PIEZO2: variants seen among roughly 807,000 people sequenced by gnomAD.
The protein encoded by PIEZO2 is piezo type mechanosensitive ion channel component 2.
PIEZO2 carries 172 observed loss-of-function variants against 337.3 expected under a neutral mutation model. The observed-to-expected ratio is 0.51, with a 90% CI of 0.45 to 0.58. The LOEUF is 0.58. Among genes scored for constraint, PIEZO2 ranks in the 20% least tolerant of loss-of-function variants. PIEZO2 has a pLI of 0.00. For synonymous variants in PIEZO2, 1,251 were observed against 1,228.5 expected, an observed-to-expected ratio of 1.02 and a Z score of -0.38; for missense variants, 3,028 against 3,391.3, an observed-to-expected ratio of 0.89 and a Z score of 2.66.
chr18:11,083,739 G>A lies in PIEZO2; in HGVS notation c.65-17517C>T, dbSNP rs764376694. ...AATTTGCAGAAATTGTCCTGAGATC[G>A]GTAGGCTCTCCGAGGCTAGAGGCAC... On this transcript the variant is annotated intron_variant, in intron 1 of 55. Transcript: ENST00000674853. The surrounding 1 kb of genome is among the most constrained non-coding windows in gnomAD (Gnocchi z 4.4). Among the ~76,000 whole-genome samples the A allele has an allele frequency of 3.9e-5, 6 of 152,268 alleles. No individual in the cohort carries two copies. Among genetic ancestry groups the A allele is most frequent in the East Asian group, 1.9e-4 (1 of 5,186 alleles).
At chr18:10,809,450 A>G (rs1295147078) in intron 7 of PIEZO2, among the ~76,000 whole-genome samples, 1 of 151,522 alleles carries the variant, frequency 6.6e-6, no homozygotes, top group East Asian at 1.9e-4. Context: ...TTGTATTTGT[A>G]GTAGGGACGG....
At chr18:10,976,790 A>C (rs922952083) in intron 3 of PIEZO2, among the ~76,000 whole-genome samples, 1 of 152,180 alleles carries the variant, frequency 6.6e-6, no homozygotes, top group African/African-American at 2.4e-5. Context: ...TAGGAGAGGC[A>C]GACCTAGCTC....
intron 36 of PIEZO2, among the ~76,000 whole-genome samples, chr18:10,723,938 G>A (rs2036424686): frequency 6.6e-6 from 1 of 152,224 alleles, no homozygotes; most frequent in Admixed American, 6.5e-5. Context: ...AATTGACTGA[G>A]GAAAAATGGG....
chr18:10,679,627 A>G (rs8085169), intron 52 of PIEZO2, among the ~76,000 whole-genome samples: 4,540 of 152,282 alleles, frequency 0.03, 203 homozygotes, highest in African/African-American at 0.1. Context: ...TTCTTGCTGC[A>G]TCAGAGCTAG....
intron 47 of PIEZO2, among the ~76,000 whole-genome samples, chr18:10,694,020 A>G (rs1319807859): frequency 6.6e-6 from 1 of 152,152 alleles, no homozygotes. Context: ...ATCTCCCAAT[A>G]TATGGTGTGG....
rs1386833565 is a variant in PIEZO2, at chr18:11,024,494, C to T, written c.160+41633G>A. On this transcript the variant is annotated intron_variant, in intron 2 of 55. Transcript: ENST00000674853. Reference sequence around the variant, plus strand: ...CCGGGAGGCGGAGCTTGCAGTGAGCCGAGATCGCGCCACTGCACTCCAGCC... The same window carrying T: ...CCGGGAGGCGGAGCTTGCAGTGAGCTGAGATCGCGCCACTGCACTCCAGCC... 4.8e-5 allele frequency among the ~76,000 whole-genome samples: 7 copies of T among 144,420 alleles called. No homozygotes were observed. In the East Asian group the frequency reaches 1.0e-3, roughly 22 times the overall value. The allele number at this position is 144,420 out of a possible 152,430, so 94.7% of individuals were successfully genotyped here.
chr18:11,082,165 C>T (rs2038765965), intron 1 of PIEZO2, among the ~76,000 whole-genome samples: 2 of 152,274 alleles, frequency 1.3e-5, no homozygotes, highest in African/African-American at 4.8e-5. Context: ...GCTACTTTAT[C>T]AGTAAGACCT....
In PIEZO2 at chr18:10,671,251, C is replaced by A. The variant is rs763843954; in HGVS notation, c.*276G>T. 16 of 282,648 alleles carry A rather than the reference C, an allele frequency of 5.7e-5. No individual in the cohort carries two copies. The highest frequency in any genetic ancestry group is 9.3e-5 in the Non-Finnish European group (14 of 150,384). The allele number at this position is 282,648 out of a possible 1,614,324, so 17.5% of individuals were successfully genotyped here. Reference sequence around the variant, plus strand: ...TAGGGACGGGGCCCATAAATGATTCCTTCACATGATCAATCAGAATGCGAG... The same window carrying A: ...TAGGGACGGGGCCCATAAATGATTCATTCACATGATCAATCAGAATGCGAG... On this transcript the variant is annotated 3_prime_UTR_variant, in exon 56 of 56. Transcript: ENST00000674853.
At chr18:10,776,536 C>T (rs1407201153) in intron 18 of PIEZO2, among the ~76,000 whole-genome samples, 1 of 152,168 alleles carries the variant, frequency 6.6e-6, no homozygotes. Flanking sequence ...TCAGCGCCTT[C>T]TTTAACAGAA....
chr18:11,011,747 G>T (rs775070834), intron 2 of PIEZO2, among the ~76,000 whole-genome samples: 8 of 152,232 alleles, frequency 5.3e-5, no homozygotes, highest in South Asian at 2.1e-4. Flanking sequence ...CACCAAAAAG[G>T]CAGAGCTGCC....
chr18:10,974,607 A>G (rs1237638810), intron 3 of PIEZO2, among the ~76,000 whole-genome samples: 4 of 152,232 alleles, frequency 2.6e-5, no homozygotes, highest in Non-Finnish European at 5.9e-5. Flanking sequence ...AGAGCTCCGT[A>G]AAGATGGGGG....
Position 10,883,059 on chromosome 18 carries a change from G to A in PIEZO2, c.330-11644C>T, listed in dbSNP as rs150090265. Reference sequence around the variant, plus strand: ...TCACCATGTTGGCCAGGATGGTCTCGATCTCCTGACCTTGTGATCCGCCCA... The same window carrying A: ...TCACCATGTTGGCCAGGATGGTCTCAATCTCCTGACCTTGTGATCCGCCCA... On this transcript the variant is annotated intron_variant, in intron 4 of 55. Transcript: ENST00000674853. 1.6e-3 allele frequency among the ~76,000 whole-genome samples: 236 copies of A among 151,972 alleles called. 4 individuals are homozygous for A. In the East Asian group the frequency reaches 0.042, roughly 27 times the overall value.
At chr18:11,034,029 A>G (rs920254361) in intron 2 of PIEZO2, among the ~76,000 whole-genome samples, 3 of 152,186 alleles carry the variant, frequency 2.0e-5, no homozygotes, top group East Asian at 1.9e-4. Flanking sequence ...TAAAAGTCCA[A>G]AAGCTCTGGC....
At chr18:10,780,413 T>C in intron 17 of PIEZO2, 47 bp from the exon 18 acceptor site, 1 of 702,720 alleles carries the variant, frequency 1.4e-6, no homozygotes, top group Non-Finnish European at 2.6e-6. Context: ...AGGAGACAGG[T>C]TGGAGAGAAA....
In PIEZO2 at chr18:10,680,230, A is replaced by G. The variant is rs1265530787; in HGVS notation, c.7921T>C (p.Phe2641Leu). The G allele has an allele frequency of 2.5e-6, 4 of 1,613,546 alleles. No homozygotes were observed. Among genetic ancestry groups the G allele is most frequent in the Non-Finnish European group, 2.5e-6 (3 of 1,179,770 alleles). The change falls in exon 52 of 56, where the codon TTC becomes CTC. Residue 2641 changes from phenylalanine (F) to leucine (L), a missense_variant. This residue lies in a region of PIEZO2 where 332 missense variants were observed against 363.8 expected (regional missense o/e 0.91). Coordinates refer to ENST00000674853, the MANE Select transcript of PIEZO2 (RefSeq NM_001378183.1). ...ATACTCCATGAAAAAACAACAGAGA[A>G]GCTACTATTGGGGTCCAGGAGTTCG... is the stretch of plus-strand genomic sequence containing the variant. Reference protein sequence around the residue: ...IHELLDPNSSFSVVFSWSIQR... With the variant: ...IHELLDPNSSLSVVFSWSIQR...
chr18:10,810,943 C>T (rs147926295), intron 7 of PIEZO2, among the ~76,000 whole-genome samples: 2 of 152,316 alleles, frequency 1.3e-5, no homozygotes, highest in African/African-American at 2.4e-5. Context: ...AGGGGTCACA[C>T]AGGATACCAG....
intron 3 of PIEZO2, among the ~76,000 whole-genome samples, chr18:10,948,331 C>A (rs550774577): frequency 1.3e-5 from 2 of 151,898 alleles, no homozygotes; most frequent in Non-Finnish European, 2.9e-5. Context: ...AGCTTCTTTA[C>A]GAGATAAAAT....
In PIEZO2 at chr18:10,746,093, A is replaced by G. The variant is rs1598427190; in HGVS notation, c.4425-1862T>C. Among the ~76,000 whole-genome samples, 1 of 152,018 alleles carries G rather than the reference A, an allele frequency of 6.6e-6. No homozygotes were observed. On this transcript the variant is annotated intron_variant, in intron 30 of 55. Transcript: ENST00000674853. This position sits in a 1 kb window ranked among gnomAD's most constrained non-coding sequence, Gnocchi z 4.2. ...CTATCCTGGTCTAGCTGCTATCTCTACCCTGGATTATCATAGCAGCTGCTT... is the reference window on the plus strand; with the variant it reads ...CTATCCTGGTCTAGCTGCTATCTCTGCCCTGGATTATCATAGCAGCTGCTT...
intron 36 of PIEZO2, among the ~76,000 whole-genome samples, chr18:10,730,205 T>G (rs1186477571): frequency 6.6e-6 from 1 of 152,232 alleles, no homozygotes; most frequent in African/African-American, 2.4e-5. Context: ...ACCTACTACT[T>G]CACAATACAA....
Sources: gnomAD v4.1 joint callset for allele counts (sites outside exome capture counted in the v4.1 genomes callset) on GRCh38, gnomAD v4.1.1 for gene constraint, gnomAD v4.1.1 regional missense constraint, Gnocchi (gnomAD v3.1) non-coding constraint, MANE v1.5 for transcripts, NCBI Gene and HGNC (gene_info 2026-07-23, HGNC 2026-07-21) for gene names.